PLXDC1: variants seen among roughly 807,000 people sequenced by gnomAD.
PLXDC1 encodes the protein plexin domain containing 1.
A neutral mutation model predicts 61.3 loss-of-function variants in PLXDC1; 39 were observed. The ratio of observed to expected loss-of-function variants is 0.64; its 90% CI spans 0.49 to 0.83. The LOEUF is 0.83. PLXDC1 is among the 40% of genes least tolerant of loss of function. The pLI is 0.00. For synonymous variants in PLXDC1, 212 were observed against 254.5 expected (o/e 0.83, Z 1.59); for missense variants, 596 against 666.5 (o/e 0.89, Z 1.17).
At chr17:39,088,498 C>T (rs552159313) in intron 7 of PLXDC1, among the ~76,000 whole-genome samples, 17 of 152,180 alleles carry the variant, frequency 1.1e-4, no homozygotes, top group Non-Finnish European at 2.1e-4. Context: ...GAAACACCTA[C>T]CACAACACCC....
At chr17:39,093,683 TC>T (rs1300282295) in intron 7 of PLXDC1, among the ~76,000 whole-genome samples, 1 of 151,368 alleles carries the variant, frequency 6.6e-6, no homozygotes, top group Non-Finnish European at 1.5e-5. Context: ...ACTATTGCAC[TC>T]CGGCCTGGGC....
intron 1 of PLXDC1, among the ~76,000 whole-genome samples, chr17:39,147,555 C>T (rs981856908): frequency 6.6e-6 from 1 of 152,118 alleles, no homozygotes; most frequent in African/African-American, 2.4e-5. Context: ...CTAACCATAC[C>T]CTCTCCCTTT....
rs1414526870 is a variant in PLXDC1 at position 39,139,738 on chromosome 17, C to A, written c.171G>T (p.Glu57Asp). The change falls in exon 2 of 14, where the codon GAG (glutamate) becomes GAT (aspartate). Residue 57 changes from glutamate (E) to aspartate (D), a missense_variant. Glu to Asp is a conservative substitution (Grantham distance 45, BLOSUM62 2). Coordinates refer to ENST00000315392, the MANE Select transcript of PLXDC1 (RefSeq NM_020405.5). ...CCTGGCTCAGCTGGGTCCTGTCCGGCTCTGACACATGCCCAGGGCTCTCTC... is the reference window on the plus strand; with the variant it reads ...CCTGGCTCAGCTGGGTCCTGTCCGGATCTGACACATGCCCAGGGCTCTCTC... ...RARESPGHVS[E>D]PDRTQLSQDL... The A allele has an allele frequency of 6.2e-7, 1 of 1,613,990 alleles. No individual in the cohort carries two copies. Among genetic ancestry groups the A allele is most frequent in the African/African-American group, 1.3e-5 (1 of 74,934 alleles).
intron 6 of PLXDC1, 24 bp from the exon 7 acceptor site, chr17:39,105,977 G>A (rs1438982469): frequency 1.1e-5 from 17 of 1,542,796 alleles, no homozygotes; most frequent in Middle Eastern, 1.7e-4. Flanking sequence ...AAGAGACTCC[G>A]TCCACCTCCC....
chr17:39,136,544 C>T (rs555366672), intron 2 of PLXDC1, among the ~76,000 whole-genome samples: 3 of 152,028 alleles, frequency 2.0e-5, no homozygotes, highest in East Asian at 1.9e-4. Context: ...CCACCGTGCC[C>T]GGCCCAAAGT....
intron 2 of PLXDC1, among the ~76,000 whole-genome samples, chr17:39,114,741 T>C (rs1910913204): frequency 6.6e-6 from 1 of 152,210 alleles, no homozygotes; most frequent in Non-Finnish European, 1.5e-5. Context: ...GCTAAACAGG[T>C]GCTCTCAGGT....
chr17:39,095,578 G>C (rs1910157318), intron 7 of PLXDC1, among the ~76,000 whole-genome samples: 1 of 151,860 alleles, frequency 6.6e-6, no homozygotes. Flanking sequence ...GAAATACTCA[G>C]GTCCAGACTT....
Position 39,066,784 on chromosome 17 carries a change from A to T in PLXDC1, c.*1056T>A, listed in dbSNP as rs1371057567. The T allele has an allele frequency of 6.6e-6, 1 of 152,120 alleles. No homozygotes were observed. 9.4% of individuals were successfully genotyped at this position (152,120 alleles called of 1,614,324 possible). On this transcript the variant is annotated 3_prime_UTR_variant, in exon 14 of 14. Coordinates refer to ENST00000315392, the MANE Select transcript of PLXDC1 (RefSeq NM_020405.5). ...TATTTTTAGTAGAGACATTTTAATT[A>T]TGTTGGCCAGGCTGGTCTCAAACTT...
chr17:39,073,915 C>T (rs1909222027), intron 11 of PLXDC1, among the ~76,000 whole-genome samples: 1 of 152,176 alleles, frequency 6.6e-6, no homozygotes. Flanking sequence ...AAGTGAGTAG[C>T]GTTTGACTGC....
chr17:39,091,773 C>G (rs956220446), intron 7 of PLXDC1, among the ~76,000 whole-genome samples: 2 of 151,952 alleles, frequency 1.3e-5, no homozygotes, highest in Non-Finnish European at 2.9e-5. Flanking sequence ...GTCTGGCCAA[C>G]ATGGTGAAAC....
chr17:39,109,000 C>T (rs151101128), intron 3 of PLXDC1, 27 bp from the exon 4 acceptor site: 154 of 1,570,888 alleles, frequency 9.8e-5, no homozygotes, highest in South Asian at 1.9e-4. Context: ...AAAGTCAGCA[C>T]GGGCCAAGCT....
chr17:39,092,619 C>T (rs528058315), intron 7 of PLXDC1, among the ~76,000 whole-genome samples: 1 of 152,206 alleles, frequency 6.6e-6, no homozygotes. Flanking sequence ...GGTGCACAGA[C>T]AGACATCGCT....
intron 2 of PLXDC1, 24 bp downstream of exon 2, chr17:39,139,630 C>A (rs979948792): frequency 5.1e-6 from 8 of 1,581,950 alleles, no homozygotes; most frequent in Non-Finnish European, 6.0e-6. Flanking sequence ...CTTCGCTCCC[C>A]CTCCATGTTC....
intron 2 of PLXDC1, among the ~76,000 whole-genome samples, chr17:39,110,296 G>T (rs1910752747): frequency 1.3e-5 from 2 of 152,168 alleles, no homozygotes; most frequent in African/African-American, 4.8e-5. Context: ...CATCACCAGG[G>T]TGGTGGGAAG....
At chr17:39,083,018 A>C (rs893728350) in intron 9 of PLXDC1, among the ~76,000 whole-genome samples, 1 of 152,204 alleles carries the variant, frequency 6.6e-6, no homozygotes, top group African/African-American at 2.4e-5. Flanking sequence ...TTTTGGGGTC[A>C]TGGGTCTTTG....
rs7221482 is a variant in PLXDC1 at position 39,066,873 on chromosome 17, T to C, written c.*967A>G. 86,686 of 152,218 alleles carry C rather than the reference T, an allele frequency of 0.57. 24,905 individuals are homozygous for C. The highest frequency in any genetic ancestry group is 0.66 in the South Asian group (3,202 of 4,830). 9.4% of individuals were successfully genotyped at this position (152,218 alleles called of 1,614,324 possible). A position where few individuals can be genotyped will look rare whatever the true frequency, so the allele number is the denominator to read the frequency against. On this transcript the variant is annotated 3_prime_UTR_variant, in exon 14 of 14. Transcript: ENST00000315392. ...TGCTGGGATTACAGGCGTGAGCCACTGCACCTGGCCAAGGACCAGCTTGTG... is the reference window on the plus strand; with the variant it reads ...TGCTGGGATTACAGGCGTGAGCCACCGCACCTGGCCAAGGACCAGCTTGTG...
Position 39,069,886 on chromosome 17 carries a change from G to A in PLXDC1, c.1353C>T (p.Pro451=). 1 of 1,613,876 alleles carries A rather than the reference G, an allele frequency of 6.2e-7. No individual in the cohort carries two copies. Among genetic ancestry groups the A allele is most frequent in the Non-Finnish European group, 8.5e-7 (1 of 1,179,772 alleles). Residue 451 remains proline (P), a synonymous_variant, in exon 13 of 14, where the codon CCC becomes CCT. Coordinates refer to ENST00000315392, the MANE Select transcript of PLXDC1 (RefSeq NM_020405.5). Reference sequence around the variant, plus strand: ...TGAAGAAGAGCGCAGCATTGGATGTGGGGTGGCCATTGATGTAAATTCCAG... The same window carrying A: ...TGAAGAAGAGCGCAGCATTGGATGTAGGGTGGCCATTGATGTAAATTCCAG... ...ILAGIYINGH[P]TSNAALFFIE...
Position 39,065,469 on chromosome 17 carries a change from A to AC in PLXDC1, c.*2370dup, listed in dbSNP as rs1351413206. ...GCTGGAGTACAGTGGCATGATTATG[A>AC]CCCCCCACTGCAGCCTCAACCTCCC... is the stretch of plus-strand genomic sequence containing the variant. On this transcript the variant is annotated 3_prime_UTR_variant, in exon 14 of 14. Coordinates refer to ENST00000315392, the MANE Select transcript of PLXDC1 (RefSeq NM_020405.5). 1 of 137,910 alleles carries AC rather than the reference A, an allele frequency of 7.3e-6. No individual in the cohort carries two copies. Among genetic ancestry groups the AC allele is most frequent in the Non-Finnish European group, 1.5e-5 (1 of 65,680 alleles). 8.5% of individuals were successfully genotyped at this position (137,910 alleles called of 1,614,324 possible).
chr17:39,123,960 C>T (rs1322361132), intron 2 of PLXDC1, among the ~76,000 whole-genome samples: 2 of 152,122 alleles, frequency 1.3e-5, no homozygotes, highest in African/African-American at 4.8e-5. Context: ...CTGGGTCCAA[C>T]CCAGGAGGCG....
Sources: allele counts gnomAD v4.1 joint callset (sites outside exome capture counted in the v4.1 genomes callset), GRCh38; gene constraint gnomAD v4.1.1; transcripts MANE v1.5; gene names NCBI Gene and HGNC (gene_info 2026-07-23, HGNC 2026-07-21).